CPLX2: variants seen among roughly 807,000 people sequenced by gnomAD.
CPLX2 encodes complexin-2.
In CPLX2, 5 loss-of-function variants were observed where a neutral mutation model predicts 16.3. The observed-to-expected ratio is 0.31, with a 90% CI of 0.16 to 0.64. The LOEUF (loss-of-function observed/expected upper bound fraction) is 0.64. CPLX2 is among the 30% of genes least tolerant of loss of function. CPLX2 has a pLI of 0.79. For synonymous variants in CPLX2, 89 were observed against 73.2 expected, an observed-to-expected ratio of 1.22 and a Z score of -1.10; for missense variants, 144 against 181.4, an observed-to-expected ratio of 0.79 and a Z score of 1.18.
chr5:175,838,382 C>T (rs866771910), intron 2 of CPLX2, among the ~76,000 whole-genome samples: 20 of 151,758 alleles, frequency 1.3e-4, no homozygotes, highest in African/African-American at 4.4e-4. Flanking sequence ...ATTCTCCTGC[C>T]TCAGCCTCCC....
At chr5:175,868,653 C>A (rs1406559956), upstream of CPLX2, among the ~76,000 whole-genome samples, 1 of 151,880 alleles carries the variant, frequency 6.6e-6, no homozygotes, top group African/African-American at 2.4e-5. Context: ...GCTGGCAACC[C>A]ACATGACATG....
At chr5:175,876,955 A>C (rs749199932) in intron 1 of CPLX2, among the ~76,000 whole-genome samples, 1 of 152,246 alleles carries the variant, frequency 6.6e-6, no homozygotes, top group Non-Finnish European at 1.5e-5. Context: ...CTGAGAAAGC[A>C]TGGAAAGCCT....
chr5:175,873,836 T>C (rs1296362958), intron 1 of CPLX2, among the ~76,000 whole-genome samples: 3 of 152,236 alleles, frequency 2.0e-5, no homozygotes, highest in African/African-American at 4.8e-5. Flanking sequence ...TGAGAAAACA[T>C]TGAGTCATTT....
intron 1 of CPLX2, among the ~76,000 whole-genome samples, chr5:175,799,347 C>G (rs568288586): frequency 4.0e-5 from 6 of 151,800 alleles, no homozygotes; most frequent in Non-Finnish European, 7.4e-5. Context: ...GAGAAAATGG[C>G]CCAAAGTTCC....
chr5:175,840,785 AATGTCAAGGAAAC>A (rs1758931186), intron 2 of CPLX2, among the ~76,000 whole-genome samples: 1 of 152,216 alleles, frequency 6.6e-6, no homozygotes, highest in African/African-American at 2.4e-5. Flanking sequence ...GTCTTGCAAA[AATGTCAAGGAAAC>A]ATCCCCTGTT....
Position 175,878,778 on chromosome 5 carries a change from C to T in CPLX2, c.31+8C>T. Reference sequence around the variant, plus strand: ...TGAAGCAGGCCCTTGGAGGTGAGGTCCAGCGCCCCTCCGCGTGTCCTCAGC... The same window carrying T: ...TGAAGCAGGCCCTTGGAGGTGAGGTTCAGCGCCCCTCCGCGTGTCCTCAGC... On this transcript the variant is annotated splice_region_variant and intron_variant, in intron 2 of 3. Transcript: ENST00000393745. 6.2e-7 allele frequency: 1 copy of T among 1,613,172 alleles called. No individual in the cohort carries two copies. Among genetic ancestry groups the T allele is most frequent in the African/African-American group, 1.3e-5 (1 of 75,068 alleles).
intron 2 of CPLX2, among the ~76,000 whole-genome samples, chr5:175,850,285 G>A (rs896691099): frequency 3.9e-5 from 6 of 152,332 alleles, no homozygotes; most frequent in East Asian, 3.9e-4. Flanking sequence ...CAGCAAGGGG[G>A]TGGTATTTGG....
At chr5:175,846,163 A>G (rs1759039682) in intron 2 of CPLX2, among the ~76,000 whole-genome samples, 1 of 152,080 alleles carries the variant, frequency 6.6e-6, no homozygotes, top group South Asian at 2.1e-4. Context: ...GTCCTCCCCA[A>G]GGGTGGGGGT....
intron 2 of CPLX2, among the ~76,000 whole-genome samples, chr5:175,834,065 A>C (rs149521627): frequency 0.01 from 1,578 of 152,304 alleles, 18 homozygotes; most frequent in Non-Finnish European, 0.012. Flanking sequence ...AACCAACGGC[A>C]TCTTGGCATG....
At chr5:175,805,505 C>T (rs1430440108) in intron 1 of CPLX2, 1 of 152,272 alleles carries the variant, frequency 6.6e-6, no homozygotes, top group African/African-American at 2.4e-5. Context: ...CACAGAGCGT[C>T]AGCTCTGGGG....
upstream of CPLX2, among the ~76,000 whole-genome samples, chr5:175,869,040 A>G (rs1168771005): frequency 2.0e-5 from 3 of 152,228 alleles, no homozygotes; most frequent in Admixed American, 6.5e-5. Flanking sequence ...TAGTAGTAGT[A>G]TTTTAATCAT....
chr5:175,842,763 C>A (rs1006839986), intron 2 of CPLX2, among the ~76,000 whole-genome samples: 5 of 152,226 alleles, frequency 3.3e-5, no homozygotes, highest in African/African-American at 1.2e-4. Context: ...GGCAGCCTCT[C>A]CTGAGCCCTG....
intron 2 of CPLX2, among the ~76,000 whole-genome samples, chr5:175,844,768 G>C (rs1759011014): frequency 6.6e-6 from 1 of 152,220 alleles, no homozygotes. Context: ...TAAAAGCAGG[G>C]CGTGGATTTA....
intron 2 of CPLX2, among the ~76,000 whole-genome samples, chr5:175,859,687 T>A (rs1257383548): frequency 6.6e-6 from 1 of 152,242 alleles, no homozygotes; most frequent in Non-Finnish European, 1.5e-5. Context: ...GATATGATGT[T>A]TGGACTTTGG....
intron 1 of CPLX2, among the ~76,000 whole-genome samples, chr5:175,801,214 A>G (rs1456954786): frequency 2.7e-5 from 4 of 149,110 alleles, no homozygotes; most frequent in Non-Finnish European, 5.9e-5. Context: ...CTGTGTGGAG[A>G]GTGGATGATA....
rs918951399 is a variant in CPLX2, at chr5:175,880,454, C to A, written c.*409C>A. ...CCTTTGGCCTCTAACCCTCAGTGGG[C>A]CCCCAGGTCAGGGCAGGGGCACTGA... On this transcript the variant is annotated 3_prime_UTR_variant, in exon 4 of 4. Transcript: ENST00000393745. 2 of 303,536 alleles carry A rather than the reference C, an allele frequency of 6.6e-6. No homozygotes were observed. The highest frequency in any genetic ancestry group is 1.3e-5 in the Non-Finnish European group (2 of 155,324). 18.8% of individuals were successfully genotyped at this position (303,536 alleles called of 1,614,324 possible).
chr5:175,843,275 C>T (rs1048149660), intron 2 of CPLX2, among the ~76,000 whole-genome samples: 6 of 152,220 alleles, frequency 3.9e-5, no homozygotes, highest in African/African-American at 1.4e-4. Flanking sequence ...TTTGATGGGG[C>T]CTCAAAGCAG....
chr5:175,879,164 C>T, intron 3 of CPLX2, 81 bp downstream of exon 3: 2 of 1,379,996 alleles, frequency 1.4e-6, no homozygotes, highest in Non-Finnish European at 9.8e-7. Context: ...GCTGGGGCTC[C>T]CCTGGATCCC....
At chr5:175,844,009 C>T (rs780343279) in intron 2 of CPLX2, among the ~76,000 whole-genome samples, 3 of 152,244 alleles carry the variant, frequency 2.0e-5, no homozygotes, top group Non-Finnish European at 4.4e-5. Context: ...GATTTGAGGG[C>T]AGAAGACCTG....
Sources: gnomAD v4.1 joint callset for allele counts (sites outside exome capture counted in the v4.1 genomes callset) on GRCh38, gnomAD v4.1.1 for gene constraint, MANE v1.5 for transcripts, NCBI Gene and HGNC (gene_info 2026-07-23, HGNC 2026-07-21) for gene names.